The following RIN3 variants were observed in gnomAD, a reference collection of about 807,000 sequenced individuals.
RIN3 encodes RAB5 interacting protein 3.
A neutral mutation model predicts 76.3 loss-of-function variants in RIN3; 54 were observed. The observed-to-expected ratio is 0.71, with a 90% CI of 0.57 to 0.89. The LOEUF is 0.89. RIN3 is among the 40% of genes least tolerant of loss of function. The pLI, the probability that RIN3 is intolerant of heterozygous loss-of-function variation, is 0.00. For missense variants in RIN3, 1,256 were observed against 1,322.1 expected (o/e 0.95, Z 0.78); for synonymous variants, 576 against 564.0 (o/e 1.02, Z -0.30).
intron 3 of RIN3, among the ~76,000 whole-genome samples, chr14:92,606,189 T>C (rs1595450446): frequency 6.9e-6 from 1 of 144,428 alleles, no homozygotes; most frequent in Non-Finnish European, 1.5e-5. Flanking sequence ...AACTACAGAA[T>C]GGGAGAAAAC....
intron 8 of RIN3, among the ~76,000 whole-genome samples, chr14:92,679,712 C>G (rs1888597838): frequency 6.6e-6 from 1 of 152,308 alleles, no homozygotes; most frequent in Admixed American, 6.5e-5. Flanking sequence ...AGACTGAGCC[C>G]TGACAGAGCT....
At chr14:92,518,926 A>G (rs1896521223) in intron 1 of RIN3, among the ~76,000 whole-genome samples, 1 of 146,228 alleles carries the variant, frequency 6.8e-6, no homozygotes, top group Non-Finnish European at 1.6e-5. Context: ...GTTGTAGGTC[A>G]TCAGTAGGGC....
At chr14:92,650,649 T>G (rs1187922480) in intron 5 of RIN3, among the ~76,000 whole-genome samples, 5 of 152,132 alleles carry the variant, frequency 3.3e-5, no homozygotes, top group Non-Finnish European at 5.9e-5. Flanking sequence ...GGAGGAAGCT[T>G]GAGTGAACGC....
chr14:92,651,527 G>T (rs1595484001), intron 5 of RIN3, 55 bp from the exon 6 acceptor site: 2 of 597,972 alleles, frequency 3.3e-6, no homozygotes, highest in East Asian at 5.5e-5. Flanking sequence ...GCCCAGCACA[G>T]CAACACCTAG....
chr14:92,661,754 C>CAAAA (rs796462501), intron 7 of RIN3, among the ~76,000 whole-genome samples: 53 of 133,590 alleles, frequency 4.0e-4, no homozygotes, highest in Non-Finnish European at 5.5e-4. Context: ...CACACACACA[C>CAAAA]ACACAAAAAA....
At chr14:92,611,032 C>G (rs1184563067) in intron 3 of RIN3, among the ~76,000 whole-genome samples, 2 of 150,662 alleles carry the variant, frequency 1.3e-5, no homozygotes, top group Admixed American at 6.8e-5. Context: ...GCAAATTACA[C>G]AAACTAGGAG....
chr14:92,575,267 G>A (rs1019721075), intron 2 of RIN3, among the ~76,000 whole-genome samples: 4 of 151,994 alleles, frequency 2.6e-5, no homozygotes, highest in Non-Finnish European at 4.4e-5. Flanking sequence ...CAGGACAGAG[G>A]GCTCCTCAGG....
chr14:92,684,935 T>C (rs1047391402), intron 8 of RIN3, 52 bp from the exon 9 acceptor site: 33 of 1,573,996 alleles, frequency 2.1e-5, no homozygotes, highest in African/African-American at 1.6e-4. Context: ...GCTCCTTGCC[T>C]CTGGTGGGCG....
intron 3 of RIN3, among the ~76,000 whole-genome samples, chr14:92,597,705 C>T (rs1885200084): frequency 6.6e-6 from 1 of 152,162 alleles, no homozygotes; most frequent in Non-Finnish European, 1.5e-5. Context: ...GTTCTTATAT[C>T]ATGGTCTTAG....
chr14:92,518,685 A>G (rs1750150004), intron 1 of RIN3, among the ~76,000 whole-genome samples: 1 of 152,076 alleles, frequency 6.6e-6, no homozygotes, highest in Admixed American at 6.5e-5. Context: ...CAGCCGGAAG[A>G]ATGGAGAATA....
chr14:92,554,036 G>A (rs986913207), intron 1 of RIN3, among the ~76,000 whole-genome samples: 1 of 152,066 alleles, frequency 6.6e-6, no homozygotes, highest in African/African-American at 2.4e-5. Context: ...TTGATCCCTG[G>A]TACCCCTGGG....
chr14:92,651,798 A>T lies in RIN3; in HGVS notation c.749A>T (p.Asp250Val). The stretch of plus-strand genomic sequence containing the variant: ...GACTGCAGCAGCGCCCTGCCCACCG[A>T]CCAGCCACCTCTTGGAAATTGCCCT... ...IEDCSSALPTDQPPLGNCPAR... is the reference protein window; with the variant it reads ...IEDCSSALPTVQPPLGNCPAR... The change falls in exon 6 of 10, where the codon GAC becomes GTC. Residue 250 changes from aspartate (D) to valine (V), a missense_variant. Physicochemically the swap from Asp to Val is radical, Grantham distance 152 (BLOSUM62 -3). Transcript: ENST00000216487. 6.2e-7 allele frequency: 1 copy of T among 1,613,414 alleles called. No individual in the cohort carries two copies. The highest frequency in any genetic ancestry group is 8.5e-7 in the Non-Finnish European group (1 of 1,179,622).
intron 2 of RIN3, chr14:92,576,090 G>A (rs985935911): frequency 5.8e-6 from 3 of 515,396 alleles, no homozygotes; most frequent in African/African-American, 2.0e-5. Context: ...GGGAGGGGAA[G>A]ACATGGACCA....
intron 2 of RIN3, among the ~76,000 whole-genome samples, chr14:92,576,817 C>T (rs1364097009): frequency 2.6e-5 from 4 of 152,114 alleles, no homozygotes; most frequent in Admixed American, 2.0e-4. Flanking sequence ...AGCGAGAGCT[C>T]TATATTAAGT....
chr14:92,547,139 ATTATCT>A (rs1897294004), intron 1 of RIN3, among the ~76,000 whole-genome samples: 4 of 80,046 alleles, frequency 5.0e-5, no homozygotes, highest in African/African-American at 1.7e-4. Context: ...TATAAAGTAA[ATTATCT>A]TTATTTTATT....
At chr14:92,658,649 C>G (rs56019622) in intron 6 of RIN3, among the ~76,000 whole-genome samples, 23,851 of 152,168 alleles carry the variant, frequency 0.16, 2,193 homozygotes, top group East Asian at 0.28. Flanking sequence ...CCTGACCAAC[C>G]CAGGTCAAGG....
At chr14:92,683,191 G>A (rs371972294) in intron 8 of RIN3, among the ~76,000 whole-genome samples, 1 of 151,858 alleles carries the variant, frequency 6.6e-6, no homozygotes, top group South Asian at 2.1e-4. Context: ...GAAAAAAATC[G>A]TCATCCTGGC....
chr14:92,659,395 C>CA lies in RIN3; in HGVS notation c.2262dup (p.Pro755ThrfsTer2). ...TTCACCAGCATGCACAAGGCCTACTCACCTGAGAAGAAGATCTCCATCCTG... is the reference window on the plus strand; with the variant it reads ...TTCACCAGCATGCACAAGGCCTACTCAACCTGAGAAGAAGATCTCCATCCTG... On this transcript the variant is annotated frameshift_variant, in exon 7 of 10. Transcript: ENST00000216487. LOFTEE classifies it high-confidence loss of function. 6.2e-7 allele frequency: 1 copy of CA among 1,613,718 alleles called. No individual in the cohort carries two copies. Among genetic ancestry groups the CA allele is most frequent in the Non-Finnish European group, 8.5e-7 (1 of 1,179,780 alleles).
At chr14:92,611,964 G>A (rs1885754680) in intron 3 of RIN3, among the ~76,000 whole-genome samples, 2 of 152,130 alleles carry the variant, frequency 1.3e-5, no homozygotes, top group Admixed American at 1.3e-4. Context: ...TCACGTGGTG[G>A]GAGCAGAGCA....
Sources: allele counts gnomAD v4.1 joint callset (sites outside exome capture counted in the v4.1 genomes callset), GRCh38; gene constraint gnomAD v4.1.1; transcripts MANE v1.5; gene names NCBI Gene and HGNC (gene_info 2026-07-23, HGNC 2026-07-21).